The following DDX27 variants were observed in gnomAD, a reference collection of about 807,000 sequenced individuals.
DDX27 encodes probable ATP-dependent RNA helicase DDX27.
In DDX27, 42 loss-of-function variants were observed where a neutral mutation model predicts 99.3. The observed-to-expected ratio is 0.42, with a 90% CI of 0.33 to 0.55. The LOEUF is 0.55. Among genes scored for constraint, DDX27 ranks in the 20% least tolerant of loss-of-function variants. The pLI is 0.07. For missense variants in DDX27, 798 were observed against 976.8 expected, an observed-to-expected ratio of 0.82 and a Z score of 2.44; for synonymous variants, 329 against 353.8, an observed-to-expected ratio of 0.93 and a Z score of 0.79.
rs1392468734 is a variant in DDX27, at chr20:49,230,164, C to T, written c.881-35C>T. On this transcript the variant is annotated intron_variant, in intron 8 of 20. Coordinates refer to ENST00000618172, the MANE Select transcript of DDX27 (RefSeq NM_017895.8). ...TCAGTCAACACCCATGAGCAGCTGACCTGGCCGCCTGGTGGGGCTCTCTTC... is the reference window on the plus strand; with the variant it reads ...TCAGTCAACACCCATGAGCAGCTGATCTGGCCGCCTGGTGGGGCTCTCTTC... 1.9e-6 allele frequency: 3 copies of T among 1,583,462 alleles called. No individual in the cohort carries two copies. In the South Asian group the frequency reaches 3.5e-5, roughly 18 times the overall value.
chr20:49,236,525 C>T lies in DDX27; in HGVS notation c.1687+15C>T, dbSNP rs1980315391. On this transcript the variant is annotated intron_variant, in intron 14 of 20. Transcript: ENST00000618172. The surrounding 1 kb of genome is among the most constrained non-coding windows in gnomAD (Gnocchi z 4.1). ...ACTTCCCCAAGGTGAGCAGGCACCC[C>T]TGTGGCAGTGCAGAATGGCTCGGTG... The T allele has an allele frequency of 1.3e-6, 2 of 1,556,826 alleles. No individual in the cohort carries two copies.
At chr20:49,224,830 C>T (rs1238625278) in intron 4 of DDX27, 115 bp from the exon 5 acceptor site, 12 of 1,122,626 alleles carry the variant, frequency 1.1e-5, no homozygotes, top group South Asian at 1.4e-5. Flanking sequence ...ACAAGGTTGA[C>T]GATGGTCACC....
chr20:49,239,076 C>G (rs778578935), intron 15 of DDX27, 21 bp downstream of exon 15: 1 of 1,599,120 alleles, frequency 6.3e-7, no homozygotes, highest in South Asian at 1.1e-5. Context: ...GAGGCGGGAT[C>G]TTGTTCACAA....
At chr20:49,223,482 G>A (rs750406774) in intron 4 of DDX27, 49 bp downstream of exon 4, 1 of 1,542,174 alleles carries the variant, frequency 6.5e-7, no homozygotes, top group Non-Finnish European at 8.8e-7. Flanking sequence ...AGATCAGAAG[G>A]CATCCTCCTT....
At chr20:49,235,502 G>A (rs1014364915) in intron 12 of DDX27, 2 of 162,900 alleles carry the variant, frequency 1.2e-5, no homozygotes, top group African/African-American at 4.8e-5. Flanking sequence ...TGCTTTCCAT[G>A]TGATTTCTTG....
intron 19 of DDX27, 64 bp from the exon 20 acceptor site, chr20:49,243,565 G>A (rs1447184485): frequency 3.5e-6 from 5 of 1,409,472 alleles, no homozygotes; most frequent in African/African-American, 1.4e-5. Context: ...GGGGAGGGTG[G>A]GGGTGAGACA....
rs746753175 is a variant in DDX27 at position 49,230,207 on chromosome 20, G to T, written c.889G>T (p.Asp297Tyr). Residue 297 changes from aspartate to tyrosine, a missense_variant, in exon 9 of 21, where the codon GAT (aspartate) becomes TAT (tyrosine). Physicochemically the swap from Asp to Tyr is radical, Grantham distance 160. This residue lies in a region of DDX27 where 553 missense variants were observed against 727.9 expected (regional missense o/e 0.76). Coordinates refer to ENST00000618172, the MANE Select transcript of DDX27 (RefSeq NM_017895.8). ...ITTCLAVGGLDVKSQEAALRA... is the reference protein window; with the variant it reads ...ITTCLAVGGLYVKSQEAALRA... ...CTCTCTTCTCTTTGCAGGCGGCTTG[G>T]ATGTGAAGTCTCAGGAAGCAGCTCT... The T allele has an allele frequency of 1.2e-6, 2 of 1,612,134 alleles. No individual in the cohort carries two copies. Among genetic ancestry groups the T allele is most frequent in the African/African-American group, 2.7e-5 (2 of 74,916 alleles).
intron 9 of DDX27, among the ~76,000 whole-genome samples, chr20:49,231,680 G>A (rs1339362502): frequency 6.6e-6 from 1 of 152,114 alleles, no homozygotes; most frequent in Non-Finnish European, 1.5e-5. Context: ...ACAGTGGCGT[G>A]ATCTGGCAGA....
At position 49,219,442 on chromosome 20, in the gene DDX27, C is replaced by T. The variant is rs763169436; in HGVS notation, c.-7C>T. On this transcript the variant is annotated 5_prime_UTR_variant, in exon 1 of 21. Transcript: ENST00000618172. Reference sequence around the variant, plus strand: ...TGCTCGCTTCCGGAAGTGGCTTCTGCGACAACATGCTTGCGGACCTCGGCT... The same window carrying T: ...TGCTCGCTTCCGGAAGTGGCTTCTGTGACAACATGCTTGCGGACCTCGGCT... 1.9e-6 allele frequency: 3 copies of T among 1,613,922 alleles called. No homozygotes were observed. The highest frequency in any genetic ancestry group is 2.7e-5 in the African/African-American group (2 of 74,898).
intron 7 of DDX27, among the ~76,000 whole-genome samples, chr20:49,226,857 C>CTTTTTTATTTTTTTT (rs1979908940): frequency 1.6e-5 from 1 of 63,460 alleles, no homozygotes; most frequent in Non-Finnish European, 2.8e-5. Context: ...GAGTAAAGGA[C>CTTTTTTATTTTTTTT]TTTTTTTTTT....
chr20:49,234,657 A>G, intron 11 of DDX27: 2 of 304,894 alleles, frequency 6.6e-6, no homozygotes, highest in South Asian at 1.9e-4. Flanking sequence ...GGATCTTCCC[A>G]TGGATCATCT....
Position 49,241,997 on chromosome 20 carries a change from C to A in DDX27, c.1992+10C>A, listed in dbSNP as rs1980491237. ...AAAGGGGGAGATGACAGTGAGTGGC[C>A]TCCCTTTTGGAGTTTGGGCCCACTC... is the stretch of plus-strand genomic sequence containing the variant. On this transcript the variant is annotated intron_variant, in intron 17 of 20. Transcript: ENST00000618172. 1.2e-6 allele frequency: 2 copies of A among 1,613,630 alleles called. No homozygotes were observed. The highest frequency in any genetic ancestry group is 1.7e-5 in the Admixed American group (1 of 59,898).
At chr20:49,232,350 C>T (rs73113540) in intron 9 of DDX27, among the ~76,000 whole-genome samples, 13,424 of 152,126 alleles carry the variant, frequency 0.088, 722 homozygotes, top group African/African-American at 0.16. Flanking sequence ...TAAAACTTGG[C>T]CTGGCGTAGT....
intron 16 of DDX27, among the ~76,000 whole-genome samples, chr20:49,241,369 C>G (rs1446753451): frequency 6.6e-6 from 1 of 152,102 alleles, no homozygotes; most frequent in Admixed American, 6.6e-5. Flanking sequence ...TCCTTCATAG[C>G]AGGAGGTTTG....
In DDX27 at chr20:49,243,560, G is replaced by T. The variant is rs1198928630; in HGVS notation, c.2205-69G>T. 1.0e-5 allele frequency: 14 copies of T among 1,364,674 alleles called. No homozygotes were observed. In the East Asian group the frequency reaches 3.2e-4, roughly 31 times the overall value. The allele number at this position is 1,364,674 out of a possible 1,614,324, so 84.5% of individuals were successfully genotyped here. ...TACTGCTTCATGTAGGAGCTGGGGA[G>T]GGTGGGGGTGAGACAACACCCATTT... is the stretch of plus-strand genomic sequence containing the variant. On this transcript the variant is annotated intron_variant, in intron 19 of 20. Transcript: ENST00000618172.
At position 49,236,584 on chromosome 20, in the gene DDX27, C is replaced by T. The variant is rs1389893498; in HGVS notation, c.1687+74C>T. ...AAGGACAGAGTGTAATGGCTGAGAG[C>T]AGGTACTTTGCAGTTCAGAGCCAGA... On this transcript the variant is annotated intron_variant, in intron 14 of 20. Coordinates refer to ENST00000618172, the MANE Select transcript of DDX27 (RefSeq NM_017895.8). The surrounding 1 kb of genome is among the most constrained non-coding windows in gnomAD (Gnocchi z 4.1). 2 of 1,417,402 alleles carry T rather than the reference C, an allele frequency of 1.4e-6. No individual in the cohort carries two copies. The highest frequency in any genetic ancestry group is 1.9e-6 in the Non-Finnish European group (2 of 1,070,580). 87.8% of individuals were successfully genotyped at this position (1,417,402 alleles called of 1,614,324 possible).
rs564981199 is a variant in DDX27 at position 49,225,430 on chromosome 20, C to A, written c.600+231C>A. ...TCTCTTTGCCTCCCTCAACTCTTGT[C>A]CATACAGTTGCCAGAGAACTCCCTT... is the stretch of plus-strand genomic sequence containing the variant. On this transcript the variant is annotated intron_variant, in intron 6 of 20. Coordinates refer to ENST00000618172, the MANE Select transcript of DDX27 (RefSeq NM_017895.8). 3.3e-5 allele frequency among the ~76,000 whole-genome samples: 5 copies of A among 151,340 alleles called. No homozygotes were observed. The South Asian group carries it at 1.0e-3, about 32-fold the overall frequency.
intron 8 of DDX27, 103 bp from the exon 9 acceptor site, chr20:49,230,096 G>T: frequency 1.5e-6 from 2 of 1,349,502 alleles, no homozygotes; most frequent in Non-Finnish European, 2.0e-6. Context: ...TCTCTCAGTG[G>T]TTTTCTCTGC....
In DDX27 at chr20:49,236,307, C is replaced by T; in HGVS notation, c.1510-26C>T. ...TTCGCACCCCCCTTCCCTTGCCAGG[C>T]CTGACGTTCATTTTTGACCTTCTAG... is the stretch of plus-strand genomic sequence containing the variant. On this transcript the variant is annotated intron_variant, in intron 13 of 20. Transcript: ENST00000618172. The surrounding 1 kb of genome is among the most constrained non-coding windows in gnomAD (Gnocchi z 4.1). 6.4e-7 allele frequency: 1 copy of T among 1,568,354 alleles called. No homozygotes were observed. The highest frequency in any genetic ancestry group is 8.7e-7 in the Non-Finnish European group (1 of 1,153,864).
Sources: gnomAD v4.1 joint callset for allele counts (sites outside exome capture counted in the v4.1 genomes callset) on GRCh38, gnomAD v4.1.1 for gene constraint, gnomAD v4.1.1 regional missense constraint, Gnocchi (gnomAD v3.1) non-coding constraint, MANE v1.5 for transcripts, NCBI Gene and HGNC (gene_info 2026-07-23, HGNC 2026-07-21) for gene names.